The following RARRES1 variants were observed in gnomAD, a reference collection of about 807,000 sequenced individuals.
The protein encoded by RARRES1 is retinoic acid receptor responder protein 1.
A neutral mutation model predicts 30.6 loss-of-function variants in RARRES1; 34 were observed. The observed-to-expected ratio is 1.11, with a 90% CI of 0.84 to 1.48. RARRES1 has a LOEUF of 1.48. Among genes scored for constraint, RARRES1 ranks in the 40% most tolerant of loss-of-function variants. The pLI, the probability that RARRES1 is intolerant of heterozygous loss-of-function variation, is 0.00. For synonymous variants in RARRES1, 153 were observed against 155.5 expected (o/e 0.98, Z 0.12); for missense variants, 373 against 386.5 (o/e 0.97, Z 0.29).
intron 4 of RARRES1, among the ~76,000 whole-genome samples, chr3:158,698,873 C>G (rs1726635570): frequency 6.6e-6 from 1 of 152,050 alleles, no homozygotes; most frequent in South Asian, 2.1e-4. Flanking sequence ...TTTCCCTGTT[C>G]TCTACTTCCT....
At chr3:158,718,038 G>A (rs538663080) in intron 1 of RARRES1, among the ~76,000 whole-genome samples, 5 of 149,176 alleles carry the variant, frequency 3.4e-5, no homozygotes, top group Non-Finnish European at 7.4e-5. Flanking sequence ...GAGCACAGTT[G>A]CATGATCTCA....
chr3:158,723,738 G>C lies in RARRES1; in HGVS notation c.276+8402C>G, dbSNP rs1299226019. Among the ~76,000 whole-genome samples, 3 of 152,154 alleles carry C rather than the reference G, an allele frequency of 2.0e-5. No homozygotes were observed. The highest frequency in any genetic ancestry group is 7.2e-5 in the African/African-American group (3 of 41,444). ...AGCTGCCCCCTCCAGGTCCCCTCTGGCCTCAGGTGGGGATAATCAGAAAAG... is the reference window on the plus strand; with the variant it reads ...AGCTGCCCCCTCCAGGTCCCCTCTGCCCTCAGGTGGGGATAATCAGAAAAG... On this transcript the variant is annotated intron_variant, in intron 1 of 5. Transcript: ENST00000237696. This position sits in a 1 kb window ranked among gnomAD's most constrained non-coding sequence, Gnocchi z 4.4.
chr3:158,711,018 A>T (rs1333828588), intron 2 of RARRES1, 85 bp from the exon 3 acceptor site: 11 of 1,206,840 alleles, frequency 9.1e-6, no homozygotes, highest in Non-Finnish European at 4.7e-6. Context: ...AGTTCATTGT[A>T]CAAGGCAGGC....
At chr3:158,707,363 G>C (rs1439139844) in intron 3 of RARRES1, among the ~76,000 whole-genome samples, 3 of 151,770 alleles carry the variant, frequency 2.0e-5, no homozygotes, top group Non-Finnish European at 4.4e-5. Flanking sequence ...GGGGGTGATG[G>C]GTCTATGAAG....
intron 3 of RARRES1, among the ~76,000 whole-genome samples, chr3:158,708,855 C>T (rs1727018403): frequency 6.6e-6 from 1 of 152,094 alleles, no homozygotes; most frequent in South Asian, 2.1e-4. Flanking sequence ...GATGGGGTTT[C>T]ACCGTGTTAG....
intron 4 of RARRES1, 175 bp downstream of exon 4, chr3:158,704,616 C>T: frequency 9.6e-7 from 1 of 1,042,544 alleles, no homozygotes; most frequent in Non-Finnish European, 1.3e-6. Flanking sequence ...TTGTTCACGA[C>T]TGTATCCCCA....
At chr3:158,702,062 G>C (rs1184223081) in intron 4 of RARRES1, among the ~76,000 whole-genome samples, 2 of 152,070 alleles carry the variant, frequency 1.3e-5, no homozygotes, top group Non-Finnish European at 2.9e-5. Flanking sequence ...TTTTGAGACA[G>C]AGTCTTGCTC....
At chr3:158,722,510 T>C (rs1388444258) in intron 1 of RARRES1, among the ~76,000 whole-genome samples, 3 of 152,286 alleles carry the variant, frequency 2.0e-5, no homozygotes, top group Non-Finnish European at 4.4e-5. Context: ...AAATATTGGG[T>C]GTGTTAGAAA....
chr3:158,729,481 C>T (rs191324877), intron 1 of RARRES1, among the ~76,000 whole-genome samples: 2 of 152,090 alleles, frequency 1.3e-5, no homozygotes, highest in East Asian at 2.0e-4. Flanking sequence ...GACGGAGTCT[C>T]GCTCTGTTGC....
Position 158,697,729 on chromosome 3 carries a change from G to A in RARRES1, c.834C>T (p.Ser278=), listed in dbSNP as rs1038090699. The change falls in exon 6 of 6, where the codon TCC becomes TCT. Residue 278 remains serine (S), a synonymous_variant. Transcript: ENST00000237696. ...CTACAGCTGATCCTTCTTCAGTTCC[G>A]GAGGCTTCTTCTGGTGTCTGTAGCT... is the stretch of plus-strand genomic sequence containing the variant. ...CQELQTPEEA[S]GTEEGSAVVP... is the part of the protein sequence containing the mutation. The A allele has an allele frequency of 1.1e-5, 18 of 1,613,200 alleles. No individual in the cohort carries two copies. Among genetic ancestry groups the A allele is most frequent in the African/African-American group, 2.7e-5 (2 of 74,872 alleles).
chr3:158,729,801 T>C (rs1198164608), intron 1 of RARRES1, among the ~76,000 whole-genome samples: 2 of 152,106 alleles, frequency 1.3e-5, no homozygotes, highest in East Asian at 1.9e-4. Flanking sequence ...ATCTCTGGGA[T>C]TGAAAACTGG....
In RARRES1 at chr3:158,723,841, C is replaced by CCTGT. The variant is rs1727590290; in HGVS notation, c.276+8295_276+8298dup. On this transcript the variant is annotated intron_variant, in intron 1 of 5. Transcript: ENST00000237696. The surrounding 1 kb of genome is among the most constrained non-coding windows in gnomAD (Gnocchi z 4.4). ...GCAATGGGAATGGGCTGGGTCCTGG[C>CCTGT]CTGTCTCCCTGTTCCAGGTGCCTCA... Among the ~76,000 whole-genome samples the CCTGT allele has an allele frequency of 6.6e-6, 1 of 152,192 alleles. No homozygotes were observed. Among genetic ancestry groups the CCTGT allele is most frequent in the African/African-American group, 2.4e-5 (1 of 41,454 alleles).
chr3:158,699,633 C>G (rs1322253023), intron 4 of RARRES1, among the ~76,000 whole-genome samples: 1 of 152,128 alleles, frequency 6.6e-6, no homozygotes, highest in African/African-American at 2.4e-5. Context: ...GGAAAGGAGG[C>G]ATTTCCTTCC....
In RARRES1 at chr3:158,723,948, C is replaced by G. The variant is rs774748292; in HGVS notation, c.276+8192G>C. On this transcript the variant is annotated intron_variant, in intron 1 of 5. Coordinates refer to ENST00000237696, the MANE Select transcript of RARRES1 (RefSeq NM_206963.2). The surrounding 1 kb of genome is among the most constrained non-coding windows in gnomAD (Gnocchi z 4.4). ...GTCTCTAGCAGGCCATGTGCTAGTGCAATGAAGGAGATAGAGACATGATAT... is the reference window on the plus strand; with the variant it reads ...GTCTCTAGCAGGCCATGTGCTAGTGGAATGAAGGAGATAGAGACATGATAT... Among the ~76,000 whole-genome samples the G allele has an allele frequency of 6.6e-6, 1 of 152,192 alleles. No homozygotes were observed. Among genetic ancestry groups the G allele is most frequent in the Non-Finnish European group, 1.5e-5 (1 of 68,032 alleles).
In RARRES1 at chr3:158,710,863, G is replaced by A. The variant is rs767285719; in HGVS notation, c.410C>T (p.Pro137Leu). 6 of 1,613,520 alleles carry A rather than the reference G, an allele frequency of 3.7e-6. No homozygotes were observed. The highest frequency in any genetic ancestry group is 3.3e-5 in the Admixed American group (2 of 59,954). ...ACAAGTTACATTGATGGTTGGTCTG[G>A]GTTTCTGATTCTTGAAAAACACTCG... ...SARVFFKNQK[P>L]RPTINVTCTR... Residue 137 changes from proline to leucine, a missense_variant, in exon 3 of 6, where the codon CCC (proline) becomes CTC (leucine). Physicochemically the swap from Pro to Leu is moderately conservative, Grantham distance 98. Coordinates refer to ENST00000237696, the MANE Select transcript of RARRES1 (RefSeq NM_206963.2).
chr3:158,700,593 C>T (rs1726692463), intron 4 of RARRES1, among the ~76,000 whole-genome samples: 1 of 152,126 alleles, frequency 6.6e-6, no homozygotes, highest in Non-Finnish European at 1.5e-5. Context: ...CCAAAAAGCA[C>T]AGCTTATTTA....
intron 1 of RARRES1, among the ~76,000 whole-genome samples, chr3:158,718,854 G>A (rs1445329884): frequency 1.3e-5 from 2 of 152,130 alleles, no homozygotes; most frequent in Non-Finnish European, 2.9e-5. Context: ...ATTCAAAGCC[G>A]TGAAAAAAGT....
chr3:158,721,218 A>G (rs550262301), intron 1 of RARRES1, among the ~76,000 whole-genome samples: 2 of 152,224 alleles, frequency 1.3e-5, no homozygotes, highest in East Asian at 3.9e-4. Flanking sequence ...AAGTCAGGGT[A>G]GACTTGGGGT....
chr3:158,698,677 CTTT>C (rs11448918), intron 4 of RARRES1, among the ~76,000 whole-genome samples: 1 of 147,478 alleles, frequency 6.8e-6, no homozygotes, highest in Non-Finnish European at 1.5e-5. Context: ...CTGACATTTC[CTTT>C]TTTTTTTTGC....
Sources: allele counts gnomAD v4.1 joint callset (sites outside exome capture counted in the v4.1 genomes callset), GRCh38; gene constraint gnomAD v4.1.1; non-coding constraint Gnocchi (gnomAD v3.1); transcripts MANE v1.5; gene names NCBI Gene and HGNC (gene_info 2026-07-23, HGNC 2026-07-21).